The following RANBP3L variants were observed in gnomAD, a reference collection of about 807,000 sequenced individuals.
The protein encoded by RANBP3L is ran-binding protein 3-like.
In RANBP3L, 56 loss-of-function variants were observed where a neutral mutation model predicts 67.2. That is an observed-to-expected ratio of 0.83 (90% CI 0.67 to 1.04). The LOEUF (loss-of-function observed/expected upper bound fraction) is 1.04. Among genes scored for constraint, RANBP3L ranks in the 50% least tolerant of loss-of-function variants. The probability of loss-of-function intolerance (pLI) is 0.00; values close to 1 mark genes in which losing one functional copy is unlikely to be tolerated. For missense variants in RANBP3L, 496 were observed against 535.5 expected, an observed-to-expected ratio of 0.93 and a Z score of 0.73; for synonymous variants, 164 against 181.4, an observed-to-expected ratio of 0.90 and a Z score of 0.77.
chr5:36,290,898 ATTT>A lies in RANBP3L; in HGVS notation c.91+10425_91+10427del, dbSNP rs758051439. ...AGGCACATGCCACCATGCCTGGCTA[ATTT>A]TTTTTTTTTTTTTTTTGTATTTTTA... On this transcript the variant is annotated intron_variant, in intron 1 of 13. Transcript: ENST00000296604. 5.0e-3 allele frequency among the ~76,000 whole-genome samples: 608 copies of A among 120,866 alleles called. 9 individuals are homozygous for A. Among genetic ancestry groups the A allele is most frequent in the African/African-American group, 0.019 (579 of 30,736 alleles). The allele number at this position is 120,866 out of a possible 152,430, so 79.3% of individuals were successfully genotyped here. A position where few individuals can be genotyped will look rare whatever the true frequency, so the allele number is the denominator to read the frequency against.
rs115686528 is a variant in RANBP3L at position 36,260,636 on chromosome 5, T to G, written c.669+144A>C. 3,110 of 531,596 alleles carry G rather than the reference T, an allele frequency of 5.9e-3. 85 individuals carry two copies. Among genetic ancestry groups the G allele is most frequent in the African/African-American group, 0.055 (2,805 of 50,616 alleles). The allele number at this position is 531,596 out of a possible 1,614,324, so 32.9% of individuals were successfully genotyped here. ...AGGACATGCTTCCCAGGAGAATCTT[T>G]CCAGTTAAAGAAAGAAAATGTGCGT... On this transcript the variant is annotated intron_variant, in intron 8 of 13. Coordinates refer to ENST00000296604, the MANE Select transcript of RANBP3L (RefSeq NM_145000.5).
chr5:36,296,335 T>C (rs1373923619), intron 1 of RANBP3L, among the ~76,000 whole-genome samples: 2 of 152,166 alleles, frequency 1.3e-5, no homozygotes, highest in Admixed American at 6.6e-5. Flanking sequence ...ACTAAGTCCT[T>C]CATTTGTGGG....
At chr5:36,289,803 A>G (rs1384167556) in intron 1 of RANBP3L, among the ~76,000 whole-genome samples, 2 of 151,630 alleles carry the variant, frequency 1.3e-5, no homozygotes, top group Admixed American at 6.6e-5. Context: ...TTCTACAAAT[A>G]CCATCAATCA....
intron 4 of RANBP3L, among the ~76,000 whole-genome samples, chr5:36,266,326 C>G (rs543057841): frequency 6.6e-6 from 1 of 152,138 alleles, no homozygotes; most frequent in Non-Finnish European, 1.5e-5. Flanking sequence ...GTGGTGGTGG[C>G]TCCGAGTATA....
chr5:36,293,927 T>G (rs6880048), intron 1 of RANBP3L, among the ~76,000 whole-genome samples: 142,216 of 149,130 alleles, frequency 0.95, 68,121 homozygotes, highest in Non-Finnish European at 0.99. Context: ...GAATGAGTTA[T>G]GGAGGATTCC....
chr5:36,258,850 A>G (rs535884299), intron 8 of RANBP3L, among the ~76,000 whole-genome samples: 2 of 152,294 alleles, frequency 1.3e-5, no homozygotes, highest in African/African-American at 4.8e-5. Context: ...CATTGGAATC[A>G]CTTGACACCT....
chr5:36,246,989 GGTT>G lies in RANBP3L; in HGVS notation c.*2662_*2664del, dbSNP rs1748338409. On this transcript the variant is annotated 3_prime_UTR_variant, in exon 14 of 14. Transcript: ENST00000296604. ...TAAAATCTTACTAAAAGAAAGTTAAGGTTGTCTTAACACAAGATATATAATGAC... is the reference window on the plus strand; with the variant it reads ...TAAAATCTTACTAAAAGAAAGTTAAGGTCTTAACACAAGATATATAATGAC... Among the ~76,000 whole-genome samples the G allele has an allele frequency of 6.6e-6, 1 of 152,046 alleles. No individual in the cohort carries two copies. Among genetic ancestry groups the G allele is most frequent in the Non-Finnish European group, 1.5e-5 (1 of 68,010 alleles).
chr5:36,261,719 A>G (rs534512832), intron 7 of RANBP3L, among the ~76,000 whole-genome samples: 2 of 152,310 alleles, frequency 1.3e-5, no homozygotes, highest in Non-Finnish European at 2.9e-5. Context: ...ACCCAAGTTA[A>G]TGAAACAATG....
chr5:36,273,244 G>A (rs964898608), intron 1 of RANBP3L, among the ~76,000 whole-genome samples: 4 of 152,120 alleles, frequency 2.6e-5, no homozygotes, highest in Admixed American at 2.6e-4. Context: ...AAACAGCATG[G>A]CTTGATCTAA....
chr5:36,258,868 C>T (rs1417010331), intron 8 of RANBP3L, among the ~76,000 whole-genome samples: 1 of 152,206 alleles, frequency 6.6e-6, no homozygotes, highest in African/African-American at 2.4e-5. Flanking sequence ...CCTGGCCTCA[C>T]CCACAGGCAT....
intron 4 of RANBP3L, among the ~76,000 whole-genome samples, chr5:36,266,091 T>G (rs910926964): frequency 2.6e-5 from 4 of 152,182 alleles, no homozygotes; most frequent in Non-Finnish European, 4.4e-5. Context: ...GCAGTCTTTT[T>G]TTTGAATCTT....
chr5:36,296,704 T>TA (rs1752240481), intron 1 of RANBP3L, among the ~76,000 whole-genome samples: 1 of 152,172 alleles, frequency 6.6e-6, no homozygotes, highest in South Asian at 2.1e-4. Flanking sequence ...TGTTCCATGA[T>TA]ACCCAGATAT....
chr5:36,255,845 C>A (rs1388494182), intron 10 of RANBP3L, among the ~76,000 whole-genome samples: 2 of 152,090 alleles, frequency 1.3e-5, no homozygotes, highest in African/African-American at 4.8e-5. Flanking sequence ...CCAATTTCCA[C>A]CCCTGCAACA....
At position 36,291,677 on chromosome 5, in the gene RANBP3L, A is replaced by C. The variant is rs2112112089; in HGVS notation, c.91+9649T>G. 2.0e-5 allele frequency among the ~76,000 whole-genome samples: 3 copies of C among 149,984 alleles called. No homozygotes were observed. In the Middle Eastern group the frequency reaches 0.01, roughly 510 times the overall value. ...TGGTTTTTTGTTCTTGTGATAGTTT[A>C]CTGAGAATGATAATTTCCAATTTCA... On this transcript the variant is annotated intron_variant, in intron 1 of 13. Coordinates refer to ENST00000296604, the MANE Select transcript of RANBP3L (RefSeq NM_145000.5).
intron 8 of RANBP3L, among the ~76,000 whole-genome samples, chr5:36,257,916 G>A (rs1194359062): frequency 2.0e-5 from 3 of 152,016 alleles, no homozygotes; most frequent in Non-Finnish European, 4.4e-5. Flanking sequence ...AAGAAAATGT[G>A]CCTTTGAACT....
intron 1 of RANBP3L, among the ~76,000 whole-genome samples, chr5:36,278,808 A>G (rs1389949333): frequency 1.3e-5 from 2 of 152,172 alleles, no homozygotes; most frequent in African/African-American, 4.8e-5. Flanking sequence ...GCTTGAAGCA[A>G]TTAATGATTT....
At chr5:36,287,330 G>C (rs1751397421) in intron 1 of RANBP3L, among the ~76,000 whole-genome samples, 1 of 152,094 alleles carries the variant, frequency 6.6e-6, no homozygotes, top group East Asian at 1.9e-4. Flanking sequence ...TTTATTGTTT[G>C]CCTTTCTGCC....
At position 36,265,482 on chromosome 5, in the gene RANBP3L, GCA is replaced by G; in HGVS notation, c.305_306del (p.Val102AlafsTer3). On this transcript the variant is annotated frameshift_variant, in exon 5 of 14. Transcript: ENST00000296604. LOFTEE classifies it high-confidence loss of function. ...KNNVFMTSAL[V>X]QSSVDIKSAE... is the part of the protein sequence containing the mutation. ...GCACTCTTTATATCAACACTACTTT[GCA>G]CAAGAGCTGATGTCATAAAAACATT... The G allele has an allele frequency of 6.2e-7, 1 of 1,605,422 alleles. No homozygotes were observed.
intron 1 of RANBP3L, among the ~76,000 whole-genome samples, chr5:36,277,499 T>G (rs1211444732): frequency 4.1e-5 from 6 of 147,508 alleles, no homozygotes; most frequent in Non-Finnish European, 8.9e-5. Flanking sequence ...TATGAGGATT[T>G]AAGCAGTATA....
Sources: gnomAD v4.1 joint callset for allele counts (sites outside exome capture counted in the v4.1 genomes callset) on GRCh38, gnomAD v4.1.1 for gene constraint, MANE v1.5 for transcripts, NCBI Gene and HGNC (gene_info 2026-07-23, HGNC 2026-07-21) for gene names.